Variants in EXOC5 observed in about 807,000 individuals in gnomAD.
The protein encoded by EXOC5 is exocyst complex component 5.
In EXOC5, 17 loss-of-function variants were observed where a neutral mutation model predicts 90.8. The observed-to-expected ratio is 0.19, with a 90% CI of 0.13 to 0.28. The LOEUF is 0.28. Ranked by LOEUF, EXOC5 falls within the 10% of genes least tolerant of loss-of-function variation. EXOC5 has a pLI of 1.00. For missense variants in EXOC5, 569 were observed against 830.6 expected (o/e 0.69, Z 3.87); for synonymous variants, 260 against 270.0 (o/e 0.96, Z 0.36).
At position 57,231,535 on chromosome 14, in the gene EXOC5, G is replaced by A; in HGVS notation, c.1119C>T (p.Asn373=). Reference sequence around the variant, plus strand: ...CTGTGCCAATGGATCTCTTTTGATGGTTTTTCGAATCATAATAGCGCTGTA... The same window carrying A: ...CTGTGCCAATGGATCTCTTTTGATGATTTTTCGAATCATAATAGCGCTGTA... The part of the protein sequence containing the change: ...MILQRYYDSK[N]HQKRSIGTGG... The change falls in exon 11 of 18, where the codon AAC becomes AAT. Residue 373 remains asparagine, a synonymous_variant. Transcript: ENST00000621441. 3 of 1,611,356 alleles carry A rather than the reference G, an allele frequency of 1.9e-6. No individual in the cohort carries two copies. Among genetic ancestry groups the A allele is most frequent in the Non-Finnish European group, 2.5e-6 (3 of 1,179,520 alleles).
Position 57,214,504 on chromosome 14 carries a change from C to G in EXOC5, c.1613+3478G>C, listed in dbSNP as rs562411853. Reference sequence around the variant, plus strand: ...GAGATAGGGAACTTATGAAGAATGGCCAAGGTTGGGAAAAACAGGTAGGAG... The same window carrying G: ...GAGATAGGGAACTTATGAAGAATGGGCAAGGTTGGGAAAAACAGGTAGGAG... On this transcript the variant is annotated intron_variant, in intron 15 of 17. Coordinates refer to ENST00000621441, the MANE Select transcript of EXOC5 (RefSeq NM_006544.4). Among the ~76,000 whole-genome samples, 8 of 152,062 alleles carry G rather than the reference C, an allele frequency of 5.3e-5. No homozygotes were observed. The South Asian group carries it at 1.7e-3, about 32-fold the overall frequency.
intron 1 of EXOC5, among the ~76,000 whole-genome samples, chr14:57,265,706 T>C (rs10137159): frequency 0.034 from 5,228 of 152,240 alleles, 312 homozygotes; most frequent in African/African-American, 0.12. Flanking sequence ...GCCTATGCGA[T>C]AGAGCAAGAC....
intron 3 of EXOC5, among the ~76,000 whole-genome samples, chr14:57,245,437 T>C (rs1884005948): frequency 1.3e-5 from 2 of 152,162 alleles, no homozygotes; most frequent in South Asian, 2.1e-4. Context: ...AAGGTTAAAT[T>C]GCTTGAGATT....
chr14:57,204,822 T>C lies in EXOC5; in HGVS notation c.*3787A>G, dbSNP rs1882601170. ...GAACATATTAAGAAAAACACAACAG[T>C]AAATTAGATATTGACCCTGTATGCC... is the stretch of plus-strand genomic sequence containing the variant. On this transcript the variant is annotated 3_prime_UTR_variant, in exon 18 of 18. Coordinates refer to ENST00000621441, the MANE Select transcript of EXOC5 (RefSeq NM_006544.4). 6.6e-6 allele frequency: 1 copy of C among 152,402 alleles called. No individual in the cohort carries two copies. The highest frequency in any genetic ancestry group is 1.5e-5 in the Non-Finnish European group (1 of 67,912). The allele number at this position is 152,402 out of a possible 1,614,324, so 9.4% of individuals were successfully genotyped here. A position where few individuals can be genotyped will look rare whatever the true frequency, so the allele number is the denominator to read the frequency against.
At chr14:57,209,379 T>A (rs560689224) in intron 17 of EXOC5, among the ~76,000 whole-genome samples, 188 bp downstream of exon 17, 32 of 151,790 alleles carry the variant, frequency 2.1e-4, no homozygotes, top group African/African-American at 7.0e-4. Context: ...AATAAAAATT[T>A]AAAATTTAAA....
chr14:57,242,169 A>G (rs895917253), intron 4 of EXOC5, among the ~76,000 whole-genome samples: 1 of 151,828 alleles, frequency 6.6e-6, no homozygotes, highest in Non-Finnish European at 1.5e-5. Flanking sequence ...AAAAAAACAA[A>G]ACCAACATAT....
At chr14:57,248,977 A>G (rs563256987) in intron 1 of EXOC5, among the ~76,000 whole-genome samples, 1 of 152,280 alleles carries the variant, frequency 6.6e-6, no homozygotes, top group South Asian at 2.1e-4. Flanking sequence ...TATTGACTCA[A>G]GATGAACTTA....
At chr14:57,251,861 A>G (rs1330453241) in intron 1 of EXOC5, among the ~76,000 whole-genome samples, 2 of 152,144 alleles carry the variant, frequency 1.3e-5, no homozygotes, top group Admixed American at 1.3e-4. Context: ...TAAAATCACA[A>G]ATGAAAATGA....
intron 9 of EXOC5, chr14:57,233,295 T>C (rs1327360244): frequency 6.5e-6 from 1 of 154,420 alleles, no homozygotes. Flanking sequence ...GTAAACAGCT[T>C]AGGAAATGTT....
intron 1 of EXOC5, among the ~76,000 whole-genome samples, chr14:57,266,376 T>C (rs1884669134): frequency 6.6e-6 from 1 of 152,170 alleles, no homozygotes; most frequent in Non-Finnish European, 1.5e-5. Context: ...ACTTTTCACT[T>C]GGGGATGAAA....
At chr14:57,223,817 C>A (rs1358232902) in intron 12 of EXOC5, among the ~76,000 whole-genome samples, 8 of 151,874 alleles carry the variant, frequency 5.3e-5, no homozygotes, top group Admixed American at 4.6e-4. Context: ...GCTAAAAAAA[C>A]CACAAGTCTT....
chr14:57,225,787 A>G (rs893343419), intron 12 of EXOC5, among the ~76,000 whole-genome samples: 4 of 152,188 alleles, frequency 2.6e-5, no homozygotes, highest in African/African-American at 9.7e-5. Context: ...GCTTGGTTTT[A>G]CACATTTTAG....
chr14:57,203,726 TAAATTA>T lies in EXOC5; in HGVS notation c.*4877_*4882del, dbSNP rs987870244. On this transcript the variant is annotated 3_prime_UTR_variant, in exon 18 of 18. Coordinates refer to ENST00000621441, the MANE Select transcript of EXOC5 (RefSeq NM_006544.4). ...AAACTTAATTCCAGTTTCAGACTTTTAAATTAAAAGTGGCTCAGTTGGATACTGTCT... is the reference window on the plus strand; with the variant it reads ...AAACTTAATTCCAGTTTCAGACTTTTAAAGTGGCTCAGTTGGATACTGTCT... 2 of 152,584 alleles carry T rather than the reference TAAATTA, an allele frequency of 1.3e-5. No individual in the cohort carries two copies. Among genetic ancestry groups the T allele is most frequent in the Non-Finnish European group, 2.9e-5 (2 of 68,028 alleles). The allele number at this position is 152,584 out of a possible 1,614,324, so 9.5% of individuals were successfully genotyped here.
intron 13 of EXOC5, among the ~76,000 whole-genome samples, chr14:57,219,665 C>T (rs1291554901): frequency 6.6e-6 from 1 of 152,144 alleles, no homozygotes; most frequent in Admixed American, 6.6e-5. Context: ...TCACCATCTA[C>T]TTAGCCTTCA....
At chr14:57,233,475 G>A (rs1883546813) in intron 9 of EXOC5, among the ~76,000 whole-genome samples, 1 of 151,986 alleles carries the variant, frequency 6.6e-6, no homozygotes, top group East Asian at 1.9e-4. Context: ...AATCTTCAAG[G>A]CTATCTTACC....
Position 57,208,593 on chromosome 14 carries a change from C to T in EXOC5, c.*16G>A. 1 of 1,580,190 alleles carries T rather than the reference C, an allele frequency of 6.3e-7. No individual in the cohort carries two copies. The highest frequency in any genetic ancestry group is 8.7e-7 in the Non-Finnish European group (1 of 1,153,950). On this transcript the variant is annotated 3_prime_UTR_variant, in exon 18 of 18. Coordinates refer to ENST00000621441, the MANE Select transcript of EXOC5 (RefSeq NM_006544.4). ...CTGTAAAGGAACTGACACTGAATTC[C>T]TTTGTAAATTCAATCTCAGCTGAAG... is the stretch of plus-strand genomic sequence containing the variant.
At chr14:57,246,624 A>G (rs955882410) in intron 3 of EXOC5, 87 bp downstream of exon 3, 10 of 1,139,272 alleles carry the variant, frequency 8.8e-6, no homozygotes, top group African/African-American at 1.6e-5. Flanking sequence ...CTATCATCTG[A>G]CTAGACTTTT....
intron 1 of EXOC5, among the ~76,000 whole-genome samples, chr14:57,254,950 T>C (rs1480333821): frequency 6.6e-6 from 1 of 152,176 alleles, no homozygotes; most frequent in Non-Finnish European, 1.5e-5. Flanking sequence ...TGGAATTTTG[T>C]TATGGAAGCC....
rs2139598257 is a variant in EXOC5 at position 57,203,218 on chromosome 14, G to A, written c.*5391C>T. ...TCCCACCTCAGCCTCCCAAGTAGCT[G>A]GGAAGCTGCAGACTTGATAAAAGTG... On this transcript the variant is annotated 3_prime_UTR_variant, in exon 18 of 18. Transcript: ENST00000621441. 6.6e-6 allele frequency: 1 copy of A among 152,292 alleles called. No homozygotes were observed. Among genetic ancestry groups the A allele is most frequent in the African/African-American group, 2.4e-5 (1 of 41,544 alleles). 9.4% of individuals were successfully genotyped at this position (152,292 alleles called of 1,614,324 possible).
Sources: allele counts gnomAD v4.1 joint callset (sites outside exome capture counted in the v4.1 genomes callset), GRCh38; gene constraint gnomAD v4.1.1; transcripts MANE v1.5; gene names NCBI Gene and HGNC (gene_info 2026-07-23, HGNC 2026-07-21).